The following GRIA4 variants were observed in gnomAD, a reference collection of about 807,000 sequenced individuals.
The protein encoded by GRIA4 is glutamate ionotropic receptor AMPA type subunit 4, also known as glutamate receptor 4.
A neutral mutation model predicts 104.0 loss-of-function variants in GRIA4; 34 were observed. The ratio of observed to expected loss-of-function variants is 0.33; its 90% confidence interval spans 0.25 to 0.44. The LOEUF is 0.44. Among genes scored for constraint, GRIA4 ranks in the 20% least tolerant of loss-of-function variants. The pLI is 1.00. For missense variants in GRIA4, 750 were observed against 1,096.5 expected, an observed-to-expected ratio of 0.68 and a Z score of 4.46; for synonymous variants, 386 against 381.9, an observed-to-expected ratio of 1.01 and a Z score of -0.13.
intron 3 of GRIA4, among the ~76,000 whole-genome samples, chr11:105,733,243 C>A (rs1938962): frequency 3.3e-5 from 5 of 152,064 alleles, no homozygotes; most frequent in Non-Finnish European, 1.5e-5. Context: ...CTGGATGATG[C>A]CATACTTTAG....
intron 3 of GRIA4, among the ~76,000 whole-genome samples, chr11:105,639,133 C>A (rs1463953712): frequency 6.6e-6 from 1 of 152,130 alleles, no homozygotes; most frequent in Non-Finnish European, 1.5e-5. Context: ...ATCACATTAA[C>A]TCCATGGGGA....
chr11:105,900,787 G>A (rs1290354532), intron 7 of GRIA4, among the ~76,000 whole-genome samples: 2 of 151,840 alleles, frequency 1.3e-5, no homozygotes, highest in Non-Finnish European at 2.9e-5. Flanking sequence ...ACGGGGTTTC[G>A]CCACGATGGC....
At chr11:105,826,589 C>T in intron 4 of GRIA4, among the ~76,000 whole-genome samples, 1 of 152,048 alleles carries the variant, frequency 6.6e-6, no homozygotes, top group East Asian at 1.9e-4. Flanking sequence ...TCTTGACATT[C>T]ACCTTTAACA....
intron 10 of GRIA4, among the ~76,000 whole-genome samples, chr11:105,918,148 T>C (rs531422939): frequency 1.3e-5 from 2 of 152,262 alleles, no homozygotes; most frequent in South Asian, 2.1e-4. Flanking sequence ...TTTTTAACTA[T>C]TGATTCATTT....
At chr11:105,637,853 T>G (rs1951249020) in intron 3 of GRIA4, among the ~76,000 whole-genome samples, 1 of 152,156 alleles carries the variant, frequency 6.6e-6, no homozygotes, top group Non-Finnish European at 1.5e-5. Context: ...TAAGCCCAGG[T>G]GCAAATGACC....
At chr11:105,722,670 A>C (rs1937906709) in intron 3 of GRIA4, among the ~76,000 whole-genome samples, 1 of 152,124 alleles carries the variant, frequency 6.6e-6, no homozygotes, top group South Asian at 2.1e-4. Context: ...CTAAGGTTAA[A>C]ATGGTAAAAT....
intron 3 of GRIA4, among the ~76,000 whole-genome samples, chr11:105,699,668 G>A (rs986300228): frequency 5.7e-4 from 86 of 152,044 alleles, no homozygotes; most frequent in African/African-American, 2.0e-3. Context: ...AAATTGAAAG[G>A]TTCTACACTT....
chr11:105,708,526 G>A (rs1355919893), intron 3 of GRIA4, among the ~76,000 whole-genome samples: 1 of 152,000 alleles, frequency 6.6e-6, no homozygotes, highest in Non-Finnish European at 1.5e-5. Flanking sequence ...ATACAGTTAG[G>A]TTCATATGTT....
intron 4 of GRIA4, among the ~76,000 whole-genome samples, chr11:105,759,654 T>C (rs1940508920): frequency 6.6e-6 from 1 of 151,992 alleles, no homozygotes; most frequent in Non-Finnish European, 1.5e-5. Context: ...TTCCAAAGAT[T>C]TGTGCACACT....
At position 105,886,647 on chromosome 11, in the gene GRIA4, AT is replaced by A. The variant is rs571047281; in HGVS notation, c.673-867del. Among the ~76,000 whole-genome samples, 138 of 152,262 alleles carry A rather than the reference AT, an allele frequency of 9.1e-4. 1 individual carries two copies. Among genetic ancestry groups the A allele is most frequent in the African/African-American group, 3.2e-3 (134 of 41,570 alleles). On this transcript the variant is annotated intron_variant, in intron 5 of 16. Coordinates refer to ENST00000282499, the MANE Select transcript of GRIA4 (RefSeq NM_000829.4). ...ATAATAAAATGCTTAAAATAATTTA[AT>A]TTTTGTCTTTGACAATGAACGTACC...
intron 5 of GRIA4, among the ~76,000 whole-genome samples, chr11:105,863,001 A>G (rs922689086): frequency 6.6e-6 from 1 of 152,186 alleles, no homozygotes; most frequent in Non-Finnish European, 1.5e-5. Flanking sequence ...GCTTGCTCAT[A>G]TTATCTACAA....
At position 105,724,342 on chromosome 11, in the gene GRIA4, T is replaced by C. The variant is rs1488647749; in HGVS notation, c.248-28639T>C. Among the ~76,000 whole-genome samples, 3 of 151,026 alleles carry C rather than the reference T, an allele frequency of 2.0e-5. No homozygotes were observed. In the East Asian group the frequency reaches 5.8e-4, roughly 29 times the overall value. ...AATGTGACATATATATATACATAGA[T>C]AGATAGATAGATGGATACACACACA... On this transcript the variant is annotated intron_variant, in intron 3 of 16. Coordinates refer to ENST00000282499, the MANE Select transcript of GRIA4 (RefSeq NM_000829.4).
intron 9 of GRIA4, among the ~76,000 whole-genome samples, chr11:105,907,317 C>G (rs1947075206): frequency 6.6e-6 from 1 of 151,974 alleles, no homozygotes; most frequent in Non-Finnish European, 1.5e-5. Context: ...GTAGACTCAT[C>G]TATCTTCTTT....
chr11:105,787,472 CT>C lies in GRIA4; in HGVS notation c.487+34273del, dbSNP rs67901321. 7.4e-4 allele frequency among the ~76,000 whole-genome samples: 73 copies of C among 98,610 alleles called. 1 individual carries two copies. In the South Asian group the frequency reaches 7.5e-3, roughly 10 times the overall value. 64.7% of individuals were successfully genotyped at this position (98,610 alleles called of 152,430 possible). Reference sequence around the variant, plus strand: ...GCAGTCTAAAAGATGTAAAGAATTCCTTTTTTTTTTTTTTTTTTTTTGAGAT... The same window carrying C: ...GCAGTCTAAAAGATGTAAAGAATTCCTTTTTTTTTTTTTTTTTTTTGAGAT... On this transcript the variant is annotated intron_variant, in intron 4 of 16. Transcript: ENST00000282499.
At chr11:105,618,894 T>C (rs1950667595) in intron 3 of GRIA4, among the ~76,000 whole-genome samples, 1 of 151,786 alleles carries the variant, frequency 6.6e-6, no homozygotes, top group South Asian at 2.1e-4. Flanking sequence ...GGTCACAGAA[T>C]TCAGAGGAAA....
At chr11:105,614,942 A>T (rs1486176636) in intron 3 of GRIA4, among the ~76,000 whole-genome samples, 1 of 152,008 alleles carries the variant, frequency 6.6e-6, no homozygotes. Context: ...AAGGGTAAAA[A>T]TAGGTCTTGA....
intron 3 of GRIA4, among the ~76,000 whole-genome samples, chr11:105,645,423 T>C (rs1351844318): frequency 6.6e-6 from 1 of 152,118 alleles, no homozygotes; most frequent in Non-Finnish European, 1.5e-5. Context: ...AGCAGCTGAA[T>C]AACCAAATAA....
At chr11:105,885,553 T>TG (rs1297938060) in intron 5 of GRIA4, among the ~76,000 whole-genome samples, 1 of 152,192 alleles carries the variant, frequency 6.6e-6, no homozygotes, top group Non-Finnish European at 1.5e-5. Context: ...GTAGGCTGAT[T>TG]GGTCATTTAA....
chr11:105,751,660 A>G (rs1483781203), intron 3 of GRIA4, among the ~76,000 whole-genome samples: 1 of 152,084 alleles, frequency 6.6e-6, no homozygotes, highest in East Asian at 1.9e-4. Context: ...GAATCTGAAT[A>G]CCTCCTTTCT....
Sources: gnomAD v4.1 joint callset for allele counts (sites outside exome capture counted in the v4.1 genomes callset) on GRCh38, gnomAD v4.1.1 for gene constraint, MANE v1.5 for transcripts, NCBI Gene and HGNC (gene_info 2026-07-23, HGNC 2026-07-21) for gene names.